Variants in TRIML2 observed in about 807,000 individuals in gnomAD.
The protein encoded by TRIML2 is probable E3 ubiquitin-protein ligase TRIML2.
A neutral mutation model predicts 31.2 loss-of-function variants in TRIML2; 28 were observed. That is an observed-to-expected ratio of 0.90 (90% confidence interval 0.66 to 1.23). TRIML2 has a LOEUF of 1.23. Ranked by LOEUF, TRIML2 falls within the 50% of genes most tolerant of loss-of-function variation. The pLI is 0.00. For missense variants in TRIML2, 536 were observed against 528.3 expected (o/e 1.01, Z -0.14); for synonymous variants, 187 against 197.5 (o/e 0.95, Z 0.45).
chr4:188,103,074 G>A (rs1279869329), intron 3 of TRIML2, among the ~76,000 whole-genome samples: 6 of 136,324 alleles, frequency 4.4e-5, no homozygotes, highest in Non-Finnish European at 6.1e-5. Context: ...GTGCAGTGGC[G>A]CCATCTCGGC....
intron 4 of TRIML2, 34 bp downstream of exon 4, chr4:188,101,022 C>G: frequency 6.5e-7 from 1 of 1,541,104 alleles, no homozygotes; most frequent in African/African-American, 1.4e-5. Context: ...TTTCTCATTT[C>G]TCAAATATGA....
chr4:188,092,097 C>T (rs977163826), intron 7 of TRIML2, among the ~76,000 whole-genome samples, 156 bp from the exon 8 acceptor site: 24 of 152,012 alleles, frequency 1.6e-4, no homozygotes, highest in African/African-American at 5.8e-4. Flanking sequence ...AAAGGAACTG[C>T]TGAACTTCAA....
At chr4:188,107,666 T>C (rs1280118822) in intron 1 of TRIML2, among the ~76,000 whole-genome samples, 3 of 152,204 alleles carry the variant, frequency 2.0e-5, no homozygotes, top group Non-Finnish European at 4.4e-5. Flanking sequence ...CTTCCATCTG[T>C]TATATTATTA....
intron 5 of TRIML2, chr4:188,098,283 G>A: frequency 2.2e-6 from 1 of 454,024 alleles, no homozygotes; most frequent in Non-Finnish European, 4.4e-6. Context: ...CAAGGCACTG[G>A]CAGATTCAGT....
chr4:188,104,798 G>T, intron 3 of TRIML2, 39 bp downstream of exon 3: 2 of 1,467,202 alleles, frequency 1.4e-6, no homozygotes, highest in Non-Finnish European at 1.9e-6. Context: ...AACATTACTG[G>T]TAATTTCCCC....
chr4:188,094,252 AAC>A (rs1405835864), intron 7 of TRIML2, among the ~76,000 whole-genome samples: 2 of 152,190 alleles, frequency 1.3e-5, no homozygotes, highest in Admixed American at 1.3e-4. Flanking sequence ...ACTTCTGTTC[AAC>A]ACACTGCAGG....
At chr4:188,096,600 A>AT (rs1255809046) in intron 7 of TRIML2, among the ~76,000 whole-genome samples, 2 of 141,226 alleles carry the variant, frequency 1.4e-5, no homozygotes, top group Admixed American at 7.3e-5. Context: ...TCATACAGTT[A>AT]TTTTTTTGAT....
At position 188,091,912 on chromosome 4, in the gene TRIML2, G is replaced by A. The variant is rs764284026; in HGVS notation, c.775C>T (p.His259Tyr). 3.1e-6 allele frequency: 5 copies of A among 1,612,326 alleles called. No homozygotes were observed. The highest frequency in any genetic ancestry group is 1.7e-5 in the Admixed American group (1 of 60,002). The stretch of plus-strand genomic sequence containing the variant: ...TCCTCAGATAGTGCCAGGCAGGGAT[G>A]AGCTGTTTCAGGATCCAATGTTAAA... Reference protein sequence around the residue: ...RHLTLDPETAHPCLALSEDLR... With the variant: ...RHLTLDPETAYPCLALSEDLR... Residue 259 changes from histidine (H) to tyrosine (Y), a missense_variant, in exon 8 of 8, where the codon CAT becomes TAT. His to Tyr is a moderately conservative substitution (Grantham distance 83). Transcript: ENST00000682553.
intron 4 of TRIML2, 111 bp from the exon 5 acceptor site, chr4:188,099,286 G>T: frequency 7.3e-7 from 1 of 1,365,486 alleles, no homozygotes; most frequent in South Asian, 1.5e-5. Context: ...CTGCTTTTCG[G>T]TTGGGCGCAG....
intron 7 of TRIML2, among the ~76,000 whole-genome samples, chr4:188,095,312 A>G (rs1013140324): frequency 6.6e-6 from 1 of 152,224 alleles, no homozygotes; most frequent in African/African-American, 2.4e-5. Flanking sequence ...TCTACACTTC[A>G]AAAGACAGTA....
chr4:188,094,344 CAT>C (rs1733407274), intron 7 of TRIML2, among the ~76,000 whole-genome samples: 1 of 152,178 alleles, frequency 6.6e-6, no homozygotes, highest in Non-Finnish European at 1.5e-5. Context: ...TATCTATACT[CAT>C]ATACTGCATG....
chr4:188,102,863 A>AG (rs1259897320), intron 3 of TRIML2, among the ~76,000 whole-genome samples: 2 of 151,586 alleles, frequency 1.3e-5, no homozygotes, highest in African/African-American at 4.8e-5. Context: ...AAAAAAAAAA[A>AG]AAAGATTCAA....
intron 1 of TRIML2, chr4:188,105,980 TAGCTGGGACTAC>T (rs1345664822): frequency 6.6e-6 from 1 of 151,838 alleles, no homozygotes; most frequent in Non-Finnish European, 1.5e-5. Flanking sequence ...GCTTCCGGAG[TAGCTGGGACTAC>T]AGCTGGGACA....
chr4:188,099,851 A>T (rs913712135), intron 4 of TRIML2, among the ~76,000 whole-genome samples: 1 of 152,182 alleles, frequency 6.6e-6, no homozygotes. Context: ...AAATCAATTA[A>T]AATTAAGGTA....
At chr4:188,106,569 G>T in intron 1 of TRIML2, 1 of 154,770 alleles carries the variant, frequency 6.5e-6, no homozygotes. Context: ...TGCAGTTCTT[G>T]GTCCGCGCCC....
chr4:188,106,276 C>T (rs1274060845), intron 1 of TRIML2, among the ~76,000 whole-genome samples: 3 of 152,284 alleles, frequency 2.0e-5, no homozygotes, highest in Admixed American at 6.5e-5. Flanking sequence ...TGGTCTCGAT[C>T]TCCTGACCTC....
At chr4:188,095,933 C>T (rs553748406) in intron 7 of TRIML2, among the ~76,000 whole-genome samples, 31 of 152,264 alleles carry the variant, frequency 2.0e-4, no homozygotes, top group Non-Finnish European at 1.9e-4. Flanking sequence ...CTGTCAGCCT[C>T]GAAAGGCCAC....
rs183239397 is a variant in TRIML2, at chr4:188,100,876, T to C, written c.480+180A>G. Among the ~76,000 whole-genome samples, 12 of 152,314 alleles carry C rather than the reference T, an allele frequency of 7.9e-5. No homozygotes were observed. In the East Asian group the frequency reaches 2.3e-3, roughly 29 times the overall value. ...ATATTTATAGGTATATTGTGCTTTATTTATGTCTTTTTATATGCATGTCAA... is the reference window on the plus strand; with the variant it reads ...ATATTTATAGGTATATTGTGCTTTACTTATGTCTTTTTATATGCATGTCAA... On this transcript the variant is annotated intron_variant, in intron 4 of 7. Coordinates refer to ENST00000682553, the MANE Select transcript of TRIML2 (RefSeq NM_173553.4).
At chr4:188,108,796 C>G (rs1401242528) in intron 1 of TRIML2, among the ~76,000 whole-genome samples, 3 of 152,176 alleles carry the variant, frequency 2.0e-5, no homozygotes, top group African/African-American at 7.2e-5. Context: ...TCCATCACTA[C>G]TCAATTTGAA....
Sources: gnomAD v4.1 joint callset for allele counts (sites outside exome capture counted in the v4.1 genomes callset) on GRCh38, gnomAD v4.1.1 for gene constraint, MANE v1.5 for transcripts, NCBI Gene and HGNC (gene_info 2026-07-23, HGNC 2026-07-21) for gene names.